DLG1: variants seen among roughly 807,000 people sequenced by gnomAD.
DLG1 encodes discs large MAGUK scaffold protein 1.
Under a neutral mutation model 123.4 loss-of-function variants are expected in DLG1, and 42 were observed. That is an observed-to-expected ratio of 0.34 (90% CI 0.27 to 0.44). The LOEUF (loss-of-function observed/expected upper bound fraction) is 0.44. DLG1 is among the 20% of genes least tolerant of loss of function. DLG1 has a pLI of 1.00. For synonymous variants in DLG1, 317 were observed against 356.2 expected, an observed-to-expected ratio of 0.89 and a Z score of 1.24; for missense variants, 942 against 1,082.6, an observed-to-expected ratio of 0.87 and a Z score of 1.82.
chr3:197,292,669 TAG>T (rs1479880908), intron 3 of DLG1, among the ~76,000 whole-genome samples: 1 of 152,224 alleles, frequency 6.6e-6, no homozygotes, highest in African/African-American at 2.4e-5. Flanking sequence ...GTGAAACTAT[TAG>T]ATTTTAATAG....
At chr3:197,105,319 A>T (rs1437612365) in intron 13 of DLG1, among the ~76,000 whole-genome samples, 1 of 152,160 alleles carries the variant, frequency 6.6e-6, no homozygotes, top group Non-Finnish European at 1.5e-5. Context: ...ATCAAGTGGC[A>T]TCATTTTGCA....
chr3:197,149,624 G>T, intron 6 of DLG1, 119 bp downstream of exon 6: 2 of 752,580 alleles, frequency 2.7e-6, no homozygotes, highest in Admixed American at 2.1e-5. Flanking sequence ...AGTATATAGT[G>T]ATAGAACATC....
At chr3:197,136,717 T>G in intron 9 of DLG1, 39 bp from the exon 10 acceptor site, 2 of 1,564,878 alleles carry the variant, frequency 1.3e-6, no homozygotes. Context: ...TCCATAAATA[T>G]GAACTTAAGC....
At chr3:197,257,271 C>A (rs1757302000) in intron 4 of DLG1, among the ~76,000 whole-genome samples, 1 of 152,034 alleles carries the variant, frequency 6.6e-6, no homozygotes, top group Non-Finnish European at 1.5e-5. Flanking sequence ...ATTTTGTATT[C>A]ATAATTCCCA....
chr3:197,104,340 T>C (rs1182104892), intron 14 of DLG1, among the ~76,000 whole-genome samples: 1 of 152,076 alleles, frequency 6.6e-6, no homozygotes, highest in Non-Finnish European at 1.5e-5. Context: ...ACCCACATAA[T>C]GGGGGTTTTG....
At chr3:197,060,898 T>C (rs1410335382) in intron 22 of DLG1, among the ~76,000 whole-genome samples, 1 of 152,160 alleles carries the variant, frequency 6.6e-6, no homozygotes, top group Non-Finnish European at 1.5e-5. Flanking sequence ...TGATCTCGGC[T>C]TACTGCAACT....
At chr3:197,239,043 A>T (rs1188297693) in intron 4 of DLG1, among the ~76,000 whole-genome samples, 6 of 152,124 alleles carry the variant, frequency 3.9e-5, no homozygotes, top group Non-Finnish European at 5.9e-5. Flanking sequence ...ATGAAACCAA[A>T]AGTTGTTTCT....
intron 3 of DLG1, among the ~76,000 whole-genome samples, chr3:197,291,469 ATG>A (rs1774893283): frequency 6.6e-6 from 1 of 152,234 alleles, no homozygotes; most frequent in African/African-American, 2.4e-5. Flanking sequence ...TGTTTTCAAA[ATG>A]TGTGATTTCC....
At chr3:197,047,534 TGAG>T (rs1560290010) in intron 24 of DLG1, among the ~76,000 whole-genome samples, 1 of 124,140 alleles carries the variant, frequency 8.1e-6, no homozygotes, top group Non-Finnish European at 1.6e-5. Context: ...TCCAAAGACT[TGAG>T]GAGGAAGTTA....
At chr3:197,243,538 A>G (rs143582320) in intron 4 of DLG1, among the ~76,000 whole-genome samples, 5 of 152,328 alleles carry the variant, frequency 3.3e-5, no homozygotes, top group East Asian at 1.9e-4. Context: ...GGCTGTTGTA[A>G]TAAGTCTTTC....
intron 13 of DLG1, among the ~76,000 whole-genome samples, chr3:197,107,538 C>CT (rs1246081055): frequency 1.3e-5 from 2 of 151,676 alleles, no homozygotes; most frequent in African/African-American, 4.8e-5. Flanking sequence ...GAGCAAGACT[C>CT]TGTCTCAAGA....
intron 4 of DLG1, among the ~76,000 whole-genome samples, chr3:197,259,268 G>A (rs1239723923): frequency 6.6e-6 from 1 of 152,148 alleles, no homozygotes; most frequent in African/African-American, 2.4e-5. Flanking sequence ...GAGGTACAGA[G>A]AAGACATCTC....
At chr3:197,227,669 C>T (rs987152475) in intron 4 of DLG1, among the ~76,000 whole-genome samples, 2 of 152,146 alleles carry the variant, frequency 1.3e-5, no homozygotes, top group East Asian at 3.9e-4. Context: ...TACCACCAAC[C>T]ATAACTCTAA....
intron 4 of DLG1, among the ~76,000 whole-genome samples, chr3:197,243,686 T>G (rs1750138322): frequency 6.6e-6 from 1 of 152,194 alleles, no homozygotes; most frequent in East Asian, 1.9e-4. Context: ...TGTTGAGCTA[T>G]TCTTTTAATG....
At chr3:197,061,252 TCTA>T (rs1021194641) in intron 22 of DLG1, among the ~76,000 whole-genome samples, 1 of 152,262 alleles carries the variant, frequency 6.6e-6, no homozygotes, top group Non-Finnish European at 1.5e-5. Context: ...GTACCCATTA[TCTA>T]CTTTCATCAG....
rs976904335 is a variant in DLG1 at position 197,138,163 on chromosome 3, T to A, written c.883+59A>T. The A allele has an allele frequency of 1.1e-5, 12 of 1,054,538 alleles. No homozygotes were observed. The African/African-American group carries it at 1.8e-4, about 16-fold the overall frequency. 65.3% of individuals were successfully genotyped at this position (1,054,538 alleles called of 1,614,324 possible). On this transcript the variant is annotated intron_variant, in intron 9 of 24. Transcript: ENST00000667157. ...GAATGTATGTCACAGATAAAGTTCA[T>A]AGGTATATTTAACTCAGAGATTTCT...
At position 197,204,854 on chromosome 3, in the gene DLG1, C is replaced by T. The variant is rs144299438; in HGVS notation, c.319-10265G>A. Among the ~76,000 whole-genome samples, 1,326 of 152,226 alleles carry T rather than the reference C, an allele frequency of 8.7e-3. 10 individuals carry two copies. The highest frequency in any genetic ancestry group is 0.013 in the Non-Finnish European group (851 of 68,010). ...CTGATTTTGGTATCCTGAACCCAAT[C>T]CCCTGTGGATACAGGAAGATGACTA... On this transcript the variant is annotated intron_variant, in intron 4 of 24. Transcript: ENST00000667157.
intron 3 of DLG1, among the ~76,000 whole-genome samples, chr3:197,287,131 A>G (rs556501298): frequency 8.5e-5 from 13 of 152,130 alleles, no homozygotes; most frequent in Admixed American, 4.6e-4. Flanking sequence ...TGGCCTCCCA[A>G]AATGTTGGGA....
At chr3:197,048,704 G>A (rs1725140006) in intron 24 of DLG1, among the ~76,000 whole-genome samples, 1 of 152,118 alleles carries the variant, frequency 6.6e-6, no homozygotes, top group African/African-American at 2.4e-5. Flanking sequence ...TGCCCAGGCT[G>A]GAGTGCAATT....
Sources: allele counts gnomAD v4.1 joint callset (sites outside exome capture counted in the v4.1 genomes callset), GRCh38; gene constraint gnomAD v4.1.1; transcripts MANE v1.5; gene names NCBI Gene and HGNC (gene_info 2026-07-23, HGNC 2026-07-21).